The following COL5A1 variants were observed in gnomAD, a reference collection of about 807,000 sequenced individuals.
COL5A1 encodes the protein collagen type V alpha 1 chain.
A neutral mutation model predicts 263.7 loss-of-function variants in COL5A1; 16 were observed. That is an observed-to-expected ratio of 0.06 (90% confidence interval 0.04 to 0.09). The LOEUF is 0.09. COL5A1 is among the 10% of genes least tolerant of loss of function. COL5A1 has a pLI of 1.00. For synonymous variants in COL5A1, 1,012 were observed against 1,004.5 expected (o/e 1.01, Z -0.14); for missense variants, 2,036 against 2,540.5 (o/e 0.80, Z 4.27).
intron 39 of COL5A1, among the ~76,000 whole-genome samples, chr9:134,804,519 C>T (rs898974144): frequency 2.0e-5 from 3 of 152,210 alleles, no homozygotes; most frequent in Admixed American, 6.5e-5. Flanking sequence ...AAAAGATAGA[C>T]GTGCCCTCAG....
chr9:134,830,631 G>C (rs566230557), intron 64 of COL5A1, among the ~76,000 whole-genome samples: 10 of 152,332 alleles, frequency 6.6e-5, no homozygotes, highest in African/African-American at 2.2e-4. Context: ...GCTGCTCAGG[G>C]CTGAGGGCTG....
chr9:134,816,506 C>G (rs1232940014), intron 52 of COL5A1, among the ~76,000 whole-genome samples: 1 of 152,266 alleles, frequency 6.6e-6, no homozygotes, highest in Non-Finnish European at 1.5e-5. Context: ...TGCAGATGCC[C>G]TTGCCCCACC....
At chr9:134,839,854 C>G (rs1839965864) in intron 65 of COL5A1, among the ~76,000 whole-genome samples, 1 of 152,272 alleles carries the variant, frequency 6.6e-6, no homozygotes, top group East Asian at 1.9e-4. Flanking sequence ...CGCAGAGCTG[C>G]AACTGGCCCC....
At chr9:134,721,450 G>A (rs1450088435) in intron 4 of COL5A1, among the ~76,000 whole-genome samples, 3 of 152,058 alleles carry the variant, frequency 2.0e-5, no homozygotes, top group Non-Finnish European at 2.9e-5. Context: ...TCACTATCTC[G>A]TCTCTGCTCT....
intron 11 of COL5A1, among the ~76,000 whole-genome samples, chr9:134,745,784 G>A (rs1326807458): frequency 6.6e-6 from 1 of 152,214 alleles, no homozygotes; most frequent in Middle Eastern, 3.2e-3. Context: ...CTGGAGGCCA[G>A]AAATCTGAAA....
At chr9:134,799,644 C>T (rs1233848845) in intron 37 of COL5A1, among the ~76,000 whole-genome samples, 6 of 152,186 alleles carry the variant, frequency 3.9e-5, no homozygotes, top group Admixed American at 3.9e-4. Context: ...TTGAAAAAAT[C>T]CCCTTTGTCT....
chr9:134,711,126 C>T (rs1449255316), intron 4 of COL5A1, among the ~76,000 whole-genome samples: 2 of 152,118 alleles, frequency 1.3e-5, no homozygotes, highest in African/African-American at 4.8e-5. Context: ...CTGGCCTCCG[C>T]CTCTGGGCAT....
At chr9:134,708,403 G>A (rs1328918444) in intron 4 of COL5A1, 9 of 391,112 alleles carry the variant, frequency 2.3e-5, no homozygotes, top group Middle Eastern at 9.8e-4. Flanking sequence ...CTGCCATTGC[G>A]GCTCAGAGCA....
At chr9:134,800,400 C>T (rs1263338288) in intron 37 of COL5A1, among the ~76,000 whole-genome samples, 1 of 152,178 alleles carries the variant, frequency 6.6e-6, no homozygotes, top group Non-Finnish European at 1.5e-5. Flanking sequence ...ATCATTCTAG[C>T]CCACAGCTGA....
chr9:134,778,805 C>T (rs1353961572), intron 27 of COL5A1, among the ~76,000 whole-genome samples: 1 of 152,268 alleles, frequency 6.6e-6, no homozygotes, highest in East Asian at 1.9e-4. Context: ...GTCTCCGGTG[C>T]TCCAAATCCT....
intron 46 of COL5A1, 69 bp from the exon 47 acceptor site, chr9:134,812,380 G>GA: frequency 6.5e-7 from 1 of 1,537,120 alleles, no homozygotes; most frequent in Non-Finnish European, 9.0e-7. Context: ...TGGAGGTCGT[G>GA]AAAGCTGTGT....
intron 11 of COL5A1, among the ~76,000 whole-genome samples, chr9:134,740,685 T>C (rs766770718): frequency 6.6e-6 from 1 of 151,976 alleles, no homozygotes; most frequent in Non-Finnish European, 1.5e-5. Context: ...ACCAGAGGGG[T>C]GCTGGTTCAC....
chr9:134,785,880 G>A, intron 30 of COL5A1, 115 bp from the exon 31 acceptor site: 1 of 977,188 alleles, frequency 1.0e-6, no homozygotes, highest in Admixed American at 2.0e-5. Flanking sequence ...CCCCGCCTCT[G>A]GAAACCACAC....
At chr9:134,824,206 T>C (rs1839156649) in intron 61 of COL5A1, among the ~76,000 whole-genome samples, 1 of 152,208 alleles carries the variant, frequency 6.6e-6, no homozygotes, top group Non-Finnish European at 1.5e-5. Flanking sequence ...TCAGGAGGCA[T>C]TCATGTGGCC....
At chr9:134,655,467 G>A (rs886576474) in intron 1 of COL5A1, among the ~76,000 whole-genome samples, 2 of 152,064 alleles carry the variant, frequency 1.3e-5, no homozygotes, top group Admixed American at 1.3e-4. Flanking sequence ...AAGGCAGTTC[G>A]TAGCACCTTC....
In COL5A1 at chr9:134,742,996, G is replaced by A. The variant is rs1311515303; in HGVS notation, c.1494+4188G>A. ...CCTGCTAGCCTCGATAGAAACACCC[G>A]GAAGGCAGGCGCCACCTCTGTGCTG... On this transcript the variant is annotated intron_variant, in intron 11 of 65. Transcript: ENST00000371817. The surrounding 1 kb of genome is among the most constrained non-coding windows in gnomAD (Gnocchi z 4.6). Among the ~76,000 whole-genome samples, 24 of 152,306 alleles carry A rather than the reference G, an allele frequency of 1.6e-4. No individual in the cohort carries two copies. Among genetic ancestry groups the A allele is most frequent in the Non-Finnish European group, 1.5e-5 (1 of 68,012 alleles).
Position 134,678,987 on chromosome 9 carries a change from C to T in COL5A1, c.110-11925C>T, listed in dbSNP as rs578139916. Among the ~76,000 whole-genome samples the T allele has an allele frequency of 2.0e-5, 3 of 152,324 alleles. No individual in the cohort carries two copies. The highest frequency in any genetic ancestry group is 6.5e-5 in the Admixed American group (1 of 15,310). ...ATTCAGTGGCTCTGTGTTGGGGTCACGTGGTATCTGCCCTCTGTTATCCGA... is the reference window on the plus strand; with the variant it reads ...ATTCAGTGGCTCTGTGTTGGGGTCATGTGGTATCTGCCCTCTGTTATCCGA... On this transcript the variant is annotated intron_variant, in intron 1 of 65. Transcript: ENST00000371817. The surrounding 1 kb of genome is among the most constrained non-coding windows in gnomAD (Gnocchi z 5.5).
chr9:134,814,501 C>G (rs1271679118), intron 49 of COL5A1, among the ~76,000 whole-genome samples: 1 of 152,220 alleles, frequency 6.6e-6, no homozygotes. Context: ...GTGGGCACCC[C>G]TTGTGGTCTT....
At position 134,760,814 on chromosome 9, in the gene COL5A1, C is replaced by CCACATGCATACACACATGCA. The variant is rs1015588975; in HGVS notation, c.1936-1087_1936-1068dup. On this transcript the variant is annotated intron_variant, in intron 18 of 65. Coordinates refer to ENST00000371817, the MANE Select transcript of COL5A1 (RefSeq NM_000093.5). The stretch of plus-strand genomic sequence containing the variant: ...CACACGCATACACCCTGACACACCC[C>CCACATGCATACACACATGCA]CACATGCATACACACATGCACACAT... Among the ~76,000 whole-genome samples the CCACATGCATACACACATGCA allele has an allele frequency of 6.1e-4, 90 of 147,226 alleles. 1 individual carries two copies. The highest frequency in any genetic ancestry group is 2.1e-3 in the African/African-American group (82 of 39,778).
Sources: gnomAD v4.1 joint callset for allele counts (sites outside exome capture counted in the v4.1 genomes callset) on GRCh38, gnomAD v4.1.1 for gene constraint, Gnocchi (gnomAD v3.1) non-coding constraint, MANE v1.5 for transcripts, NCBI Gene and HGNC (gene_info 2026-07-23, HGNC 2026-07-21) for gene names.